Variants in MEGF11 observed in about 807,000 individuals in gnomAD.
MEGF11 encodes the protein multiple epidermal growth factor-like domains protein 11.
MEGF11 carries 126 observed loss-of-function variants against 146.6 expected under a neutral mutation model. The ratio of observed to expected loss-of-function variants is 0.86; its 90% CI spans 0.74 to 1.00. MEGF11 has a LOEUF of 1.00. Ranked by LOEUF, MEGF11 falls within the 50% of genes least tolerant of loss-of-function variation. The probability of loss-of-function intolerance (pLI) is 0.00; values close to 1 mark genes in which losing one functional copy is unlikely to be tolerated. For missense variants in MEGF11, 1,509 were observed against 1,521.2 expected, an observed-to-expected ratio of 0.99 and a Z score of 0.13; for synonymous variants, 532 against 583.4, an observed-to-expected ratio of 0.91 and a Z score of 1.27.
intron 18 of MEGF11, among the ~76,000 whole-genome samples, chr15:65,915,896 C>T (rs1363863459): frequency 6.6e-6 from 1 of 152,132 alleles, no homozygotes; most frequent in Non-Finnish European, 1.5e-5. Flanking sequence ...AAAAAAAATC[C>T]TGCCTCCCAC....
chr15:66,083,007 C>T (rs1207425494), intron 5 of MEGF11, among the ~76,000 whole-genome samples: 1 of 152,172 alleles, frequency 6.6e-6, no homozygotes, highest in Non-Finnish European at 1.5e-5. Context: ...TGCTTTGCCC[C>T]CTATGTCCTG....
At chr15:66,168,356 G>A (rs893547672) in intron 1 of MEGF11, among the ~76,000 whole-genome samples, 1 of 152,044 alleles carries the variant, frequency 6.6e-6, no homozygotes, top group Non-Finnish European at 1.5e-5. Flanking sequence ...CAACTATCAG[G>A]CCTGCCCACT....
intron 1 of MEGF11, among the ~76,000 whole-genome samples, chr15:66,160,962 G>A (rs1032359173): frequency 6.6e-6 from 1 of 152,156 alleles, no homozygotes; most frequent in African/African-American, 2.4e-5. Context: ...GCAGGGATCA[G>A]GGGAGGAGTG....
At chr15:66,071,919 G>A (rs2085384087) in intron 5 of MEGF11, among the ~76,000 whole-genome samples, 1 of 152,226 alleles carries the variant, frequency 6.6e-6, no homozygotes, top group South Asian at 2.1e-4. Flanking sequence ...ATCAGCATCT[G>A]ACGGAATAAA....
rs117137980 is a variant in MEGF11, at chr15:66,241,163, G to C, written c.-9+12442C>G. Among the ~76,000 whole-genome samples the C allele has an allele frequency of 1.3e-3, 196 of 152,254 alleles. 4 individuals carry two copies. The East Asian group carries it at 0.034, about 26-fold the overall frequency. On this transcript the variant is annotated intron_variant, in intron 1 of 25. Transcript: ENST00000395614. The stretch of plus-strand genomic sequence containing the variant: ...GGGTAAGAAAATCTCCCCCGCAGCT[G>C]CTCCTCCTCCCAGGGCCCAGGGTCT...
chr15:65,928,938 T>C (rs376593624), intron 12 of MEGF11, among the ~76,000 whole-genome samples: 3 of 152,342 alleles, frequency 2.0e-5, no homozygotes. Context: ...ATTTATTCTT[T>C]GTTGCCGGGG....
intron 10 of MEGF11, among the ~76,000 whole-genome samples, chr15:65,955,762 AT>A (rs1446993003): frequency 0.019 from 133 of 6,836 alleles, 13 homozygotes; most frequent in East Asian, 0.065. Context: ...AAAAAAAAAA[AT>A]ATATATATAT....
At position 66,027,367 on chromosome 15, in the gene MEGF11, C is replaced by T. The variant is rs60810568; in HGVS notation, c.395-44879G>A. ...GCTGTTATGCCTGAGTACCAGTGAC[C>T]ACGTCAAGCTGAACCCACTGGCAGT... On this transcript the variant is annotated intron_variant, in intron 5 of 25. Transcript: ENST00000395614. Among the ~76,000 whole-genome samples the T allele has an allele frequency of 1.0e-2, 1,522 of 152,300 alleles. 24 individuals are homozygous for T. Among genetic ancestry groups the T allele is most frequent in the African/African-American group, 0.035 (1,453 of 41,554 alleles).
chr15:66,174,806 T>A (rs1458204956), intron 1 of MEGF11, among the ~76,000 whole-genome samples: 1 of 152,156 alleles, frequency 6.6e-6, no homozygotes, highest in Admixed American at 6.5e-5. Context: ...TATGGTCATT[T>A]CAACAATATT....
chr15:66,198,149 G>A (rs78910766), intron 1 of MEGF11, among the ~76,000 whole-genome samples: 8 of 152,314 alleles, frequency 5.3e-5, no homozygotes, highest in African/African-American at 1.4e-4. Flanking sequence ...TCTGATCAGC[G>A]TGAAGACTAC....
At chr15:66,144,187 C>T (rs2089278623) in intron 1 of MEGF11, among the ~76,000 whole-genome samples, 1 of 152,166 alleles carries the variant, frequency 6.6e-6, no homozygotes, top group Admixed American at 6.5e-5. Flanking sequence ...ACTCTCAATG[C>T]TGTGACCTCA....
chr15:66,188,939 C>T (rs2090793081), intron 1 of MEGF11, among the ~76,000 whole-genome samples: 1 of 152,158 alleles, frequency 6.6e-6, no homozygotes, highest in African/African-American at 2.4e-5. Flanking sequence ...GATTTTGCCT[C>T]CTACCTTCGC....
intron 3 of MEGF11, among the ~76,000 whole-genome samples, chr15:66,122,662 A>C (rs2088091944): frequency 6.6e-6 from 1 of 152,218 alleles, no homozygotes; most frequent in African/African-American, 2.4e-5. Context: ...ACATGTGGCT[A>C]ATATCTCACA....
intron 4 of MEGF11, among the ~76,000 whole-genome samples, chr15:66,106,815 C>T (rs1230082056): frequency 6.6e-6 from 1 of 152,212 alleles, no homozygotes; most frequent in Non-Finnish European, 1.5e-5. Context: ...ATCACATCTG[C>T]AGCGTCAAAT....
At chr15:66,174,789 T>C (rs1309513012) in intron 1 of MEGF11, among the ~76,000 whole-genome samples, 2 of 152,148 alleles carry the variant, frequency 1.3e-5, no homozygotes, top group Non-Finnish European at 2.9e-5. Context: ...TAGATACCTT[T>C]GGGTGGTATG....
intron 10 of MEGF11, among the ~76,000 whole-genome samples, chr15:65,952,260 T>C (rs138974178): frequency 6.6e-6 from 1 of 151,596 alleles, no homozygotes; most frequent in South Asian, 2.1e-4. Flanking sequence ...TAGTGGGAGA[T>C]GAGATTAGGG....
At chr15:65,920,912 A>G (rs149843323) in intron 15 of MEGF11, among the ~76,000 whole-genome samples, 2 of 152,372 alleles carry the variant, frequency 1.3e-5, no homozygotes, top group Non-Finnish European at 2.9e-5. Flanking sequence ...CTCGGGCTGC[A>G]TGGGTCCTAA....
intron 9 of MEGF11, among the ~76,000 whole-genome samples, chr15:65,961,765 T>C (rs1012809436): frequency 3.9e-5 from 6 of 152,212 alleles, no homozygotes; most frequent in Admixed American, 3.9e-4. Context: ...GATTACTTTT[T>C]CTGCCTAGGA....
rs34646282 is a variant in MEGF11, at chr15:65,897,629, AAT to A, written c.*303_*304del. On this transcript the variant is annotated 3_prime_UTR_variant, in exon 26 of 26. Coordinates refer to ENST00000395614, the MANE Select transcript of MEGF11 (RefSeq NM_001385028.1). The stretch of plus-strand genomic sequence containing the variant: ...TTTTTAAAATATCACGTTTCAGATA[AAT>A]ATATATATATATATCAGCTATATTT... The A allele has an allele frequency of 4.8e-3, 854 of 177,602 alleles. No individual in the cohort carries two copies. The highest frequency in any genetic ancestry group is 0.022 in the Middle Eastern group (10 of 462). 11.0% of individuals were successfully genotyped at this position (177,602 alleles called of 1,614,324 possible).
Sources: gnomAD v4.1 joint callset for allele counts (sites outside exome capture counted in the v4.1 genomes callset) on GRCh38, gnomAD v4.1.1 for gene constraint, MANE v1.5 for transcripts, NCBI Gene and HGNC (gene_info 2026-07-23, HGNC 2026-07-21) for gene names.